Variants in INTS3 observed in about 807,000 individuals in gnomAD.
The protein encoded by INTS3 is SOSS complex subunit A.
Under a neutral mutation model 146.3 loss-of-function variants are expected in INTS3, and 34 were observed. That is an observed-to-expected ratio of 0.23 (90% confidence interval 0.18 to 0.31). INTS3 has a LOEUF of 0.31. INTS3 is among the 10% of genes least tolerant of loss of function. The pLI is 1.00. For missense variants in INTS3, 757 were observed against 1,304.2 expected, an observed-to-expected ratio of 0.58 and a Z score of 6.46; for synonymous variants, 475 against 494.9, an observed-to-expected ratio of 0.96 and a Z score of 0.53.
intron 1 of INTS3, among the ~76,000 whole-genome samples, chr1:153,732,800 A>G (rs957091730): frequency 7.1e-6 from 1 of 141,724 alleles, no homozygotes; most frequent in African/African-American, 2.6e-5. Flanking sequence ...GAAAATGAGG[A>G]ATTTAGTCTT....
chr1:153,772,027 G>C lies in INTS3; in HGVS notation c.2720+64G>C. On this transcript the variant is annotated intron_variant, in intron 26 of 29. Transcript: ENST00000318967. This position sits in a 1 kb window ranked among gnomAD's most constrained non-coding sequence, Gnocchi z 4.6. ...GTCTGCAGTGATTGCTGTCGGTGGT[G>C]GTGGTGGTGGTGGTGGTGGTGGTGA... is the stretch of plus-strand genomic sequence containing the variant. The C allele has an allele frequency of 7.3e-7, 1 of 1,362,898 alleles. No individual in the cohort carries two copies. The highest frequency in any genetic ancestry group is 9.9e-7 in the Non-Finnish European group (1 of 1,007,484). The allele number at this position is 1,362,898 out of a possible 1,614,324, so 84.4% of individuals were successfully genotyped here. A position where few individuals can be genotyped will look rare whatever the true frequency, so the allele number is the denominator to read the frequency against.
intron 9 of INTS3, among the ~76,000 whole-genome samples, chr1:153,755,997 G>A (rs946131587): frequency 2.6e-5 from 4 of 152,004 alleles, no homozygotes; most frequent in African/African-American, 4.8e-5. Context: ...CCAAGATTGC[G>A]CCACTGCACT....
At position 153,773,998 on chromosome 1, in the gene INTS3, G is replaced by GT. The variant is rs200086354; in HGVS notation, c.*737dup. ...TTTCCTTGAGTCTGTTTTTTTTTTTGTTTTTTTTTGTTTTTTTTTTGGCAG... is the reference window on the plus strand; with the variant it reads ...TTTCCTTGAGTCTGTTTTTTTTTTTGTTTTTTTTTTGTTTTTTTTTTGGCAG... On this transcript the variant is annotated 3_prime_UTR_variant, in exon 30 of 30. Coordinates refer to ENST00000318967, the MANE Select transcript of INTS3 (RefSeq NM_023015.5). 2,762 of 155,412 alleles carry GT rather than the reference G, an allele frequency of 0.018. 28 individuals are homozygous for GT. The highest frequency in any genetic ancestry group is 0.025 in the African/African-American group (962 of 38,012). The allele number at this position is 155,412 out of a possible 1,614,324, so 9.6% of individuals were successfully genotyped here. A position where few individuals can be genotyped will look rare whatever the true frequency, so the allele number is the denominator to read the frequency against.
intron 1 of INTS3, among the ~76,000 whole-genome samples, chr1:153,730,764 T>C (rs1671031550): frequency 6.6e-6 from 1 of 152,100 alleles, no homozygotes; most frequent in Non-Finnish European, 1.5e-5. Context: ...ATAATGTGGA[T>C]GTTTCCCAGT....
At chr1:153,731,579 C>CTTTT (rs71093282) in intron 1 of INTS3, among the ~76,000 whole-genome samples, 4 of 129,808 alleles carry the variant, frequency 3.1e-5, no homozygotes, top group Admixed American at 8.1e-5. Context: ...AGAGCGTCCT[C>CTTTT]TTTTTTTTTT....
At chr1:153,734,944 T>C (rs1375505649) in intron 1 of INTS3, among the ~76,000 whole-genome samples, 1 of 152,176 alleles carries the variant, frequency 6.6e-6, no homozygotes, top group Non-Finnish European at 1.5e-5. Context: ...GTGCAATTGC[T>C]GAGCTTCCCG....
At chr1:153,750,835 G>T in intron 6 of INTS3, 1 of 469,104 alleles carries the variant, frequency 2.1e-6, no homozygotes, top group Non-Finnish European at 3.8e-6. Flanking sequence ...TAGTTAGGTG[G>T]TAAAAAGAGA....
chr1:153,769,993 A>G (rs12068901), intron 23 of INTS3, 149 bp downstream of exon 23: 59,579 of 691,842 alleles, frequency 0.086, 5,182 homozygotes, highest in African/African-American at 0.35. Flanking sequence ...CTGGGGCAGT[A>G]TCTTTCTGGA....
intron 8 of INTS3, among the ~76,000 whole-genome samples, chr1:153,752,639 T>C (rs1456124116): frequency 6.6e-6 from 1 of 152,210 alleles, no homozygotes; most frequent in Non-Finnish European, 1.5e-5. Context: ...GCCACATTAC[T>C]ACTAAGAAAA....
In INTS3 at chr1:153,769,854, C is replaced by G. The variant is rs1240626335; in HGVS notation, c.2389+10C>G. 1 of 1,588,926 alleles carries G rather than the reference C, an allele frequency of 6.3e-7. No homozygotes were observed. Among genetic ancestry groups the G allele is most frequent in the Admixed American group, 1.7e-5 (1 of 59,956 alleles). On this transcript the variant is annotated intron_variant, in intron 23 of 29. Transcript: ENST00000318967. ...GTTCTCAACATACTCAGTAAGTGAT[C>G]AAATCTTTAGGTGCCTGGGAGAGGA...
intron 1 of INTS3, among the ~76,000 whole-genome samples, chr1:153,734,950 TCC>T (rs2101777650): frequency 6.6e-6 from 1 of 152,206 alleles, no homozygotes; most frequent in South Asian, 2.1e-4. Context: ...TTGCTGAGCT[TCC>T]CGCAAATTGA....
intron 2 of INTS3, among the ~76,000 whole-genome samples, 194 bp downstream of exon 2, chr1:153,740,928 T>C (rs747829824): frequency 1.3e-5 from 2 of 152,144 alleles, no homozygotes; most frequent in South Asian, 4.1e-4. Context: ...CATCTTTCAG[T>C]ACAGCTTTTT....
In INTS3 at chr1:153,759,507, T is replaced by C; in HGVS notation, c.1150-19T>C. 1 of 1,563,470 alleles carries C rather than the reference T, an allele frequency of 6.4e-7. No homozygotes were observed. The highest frequency in any genetic ancestry group is 8.8e-7 in the Non-Finnish European group (1 of 1,133,776). On this transcript the variant is annotated intron_variant, in intron 10 of 29. Transcript: ENST00000318967. ...TGATTGATGAAACTAGCCCTCTGTT[T>C]CTCCCCTCTCTTTTCCAGTCAAATG...
chr1:153,772,614 C>T lies in INTS3; in HGVS notation c.2822-25C>T. ...CCAGACATCTGATTGTTTTTCCTTC[C>T]CTGCTCTCCCTTTTCTTCCTCTAGT... On this transcript the variant is annotated intron_variant, in intron 27 of 29. Coordinates refer to ENST00000318967, the MANE Select transcript of INTS3 (RefSeq NM_023015.5). The surrounding 1 kb of genome is among the most constrained non-coding windows in gnomAD (Gnocchi z 4.6). 3 of 1,614,124 alleles carry T rather than the reference C, an allele frequency of 1.9e-6. No homozygotes were observed. The highest frequency in any genetic ancestry group is 2.5e-6 in the Non-Finnish European group (3 of 1,180,002).
In INTS3 at chr1:153,772,547, C is replaced by T. The variant is rs1415701988; in HGVS notation, c.2822-92C>T. Reference sequence around the variant, plus strand: ...GCAGGACACCCGGGGCCACAACCCACACTCGGGATAAAACAACCTGTGCGT... The same window carrying T: ...GCAGGACACCCGGGGCCACAACCCATACTCGGGATAAAACAACCTGTGCGT... On this transcript the variant is annotated intron_variant, in intron 27 of 29. Coordinates refer to ENST00000318967, the MANE Select transcript of INTS3 (RefSeq NM_023015.5). This position sits in a 1 kb window ranked among gnomAD's most constrained non-coding sequence, Gnocchi z 4.6. The T allele has an allele frequency of 6.2e-7, 1 of 1,610,790 alleles. No homozygotes were observed. The highest frequency in any genetic ancestry group is 8.5e-7 in the Non-Finnish European group (1 of 1,178,308).
chr1:153,739,050 C>T (rs1266508806), intron 1 of INTS3, among the ~76,000 whole-genome samples: 6 of 151,586 alleles, frequency 4.0e-5, no homozygotes, highest in African/African-American at 1.2e-4. Context: ...CCTGCCACCA[C>T]GCCTGGCTAA....
intron 9 of INTS3, 152 bp downstream of exon 9, chr1:153,754,891 T>C (rs182325716): frequency 9.3e-6 from 6 of 642,996 alleles, no homozygotes; most frequent in Admixed American, 7.5e-5. Context: ...CTTTGTCCTT[T>C]ATTCATTCTG....
At chr1:153,742,476 C>CTGTGTGTG (rs1161319800) in intron 3 of INTS3, among the ~76,000 whole-genome samples, 7 of 60,306 alleles carry the variant, frequency 1.2e-4, no homozygotes, top group African/African-American at 4.7e-4. Context: ...GTTTTTTAAT[C>CTGTGTGTG]TCTGTGTGTG....
In INTS3 at chr1:153,761,582, C is replaced by G; in HGVS notation, c.1422C>G (p.Pro474=). 6.2e-7 allele frequency: 1 copy of G among 1,613,290 alleles called. No individual in the cohort carries two copies. The highest frequency in any genetic ancestry group is 8.5e-7 in the Non-Finnish European group (1 of 1,179,234). The part of the protein sequence containing the change: ...VEKRVLAHLA[P]LFDNPKLDKE... ...GTTCCCCATTTAGACACCTAGCTCCCCTGTTTGACAACCCTAAGTTGGATA... is the reference window on the plus strand; with the variant it reads ...GTTCCCCATTTAGACACCTAGCTCCGCTGTTTGACAACCCTAAGTTGGATA... The change falls in exon 14 of 30, where the codon CCC becomes CCG. Residue 474 remains proline (P), a synonymous_variant. Transcript: ENST00000318967.
Sources: allele counts gnomAD v4.1 joint callset (sites outside exome capture counted in the v4.1 genomes callset), GRCh38; gene constraint gnomAD v4.1.1; non-coding constraint Gnocchi (gnomAD v3.1); transcripts MANE v1.5; gene names NCBI Gene and HGNC (gene_info 2026-07-23, HGNC 2026-07-21).